Variants in RIMS2 observed in about 807,000 individuals in gnomAD.
RIMS2 encodes the protein regulating synaptic membrane exocytosis protein 2.
A neutral mutation model predicts 174.4 loss-of-function variants in RIMS2; 59 were observed. The ratio of observed to expected loss-of-function variants is 0.34; its 90% CI spans 0.27 to 0.42. The LOEUF is 0.42. RIMS2 is among the 10% of genes least tolerant of loss of function. RIMS2 has a pLI of 1.00. For synonymous variants in RIMS2, 606 were observed against 572.5 expected, an observed-to-expected ratio of 1.06 and a Z score of -0.84; for missense variants, 1,620 against 1,666.3, an observed-to-expected ratio of 0.97 and a Z score of 0.48.
chr8:104,143,887 G>T (rs2098606305), intron 19 of RIMS2, among the ~76,000 whole-genome samples: 1 of 151,948 alleles, frequency 6.6e-6, no homozygotes, highest in African/African-American at 2.4e-5. Context: ...TATTTGTTTT[G>T]GCATGACTTT....
intron 19 of RIMS2, among the ~76,000 whole-genome samples, chr8:104,197,659 G>A (rs2099032119): frequency 6.6e-6 from 1 of 152,172 alleles, no homozygotes. Context: ...ATTGAGGTCT[G>A]AGGAGATGGG....
intron 1 of RIMS2, among the ~76,000 whole-genome samples, chr8:103,586,161 C>A (rs926418808): frequency 5.9e-5 from 9 of 152,166 alleles, no homozygotes; most frequent in South Asian, 2.1e-4. Context: ...AAGACTTCAG[C>A]ACTCCACTTT....
chr8:103,565,050 G>T (rs2092162112), intron 1 of RIMS2, among the ~76,000 whole-genome samples: 1 of 152,154 alleles, frequency 6.6e-6, no homozygotes, highest in Non-Finnish European at 1.5e-5. Context: ...TTCTATTTAT[G>T]TTGTCATCTG....
intron 1 of RIMS2, among the ~76,000 whole-genome samples, chr8:103,546,455 C>T (rs1845149919): frequency 1.3e-5 from 2 of 152,222 alleles, no homozygotes; most frequent in South Asian, 4.2e-4. Flanking sequence ...ACCCCATGGA[C>T]AGTATTAGAG....
chr8:104,003,865 T>C (rs2095478404), intron 17 of RIMS2, among the ~76,000 whole-genome samples: 2 of 152,096 alleles, frequency 1.3e-5, no homozygotes, highest in South Asian at 2.1e-4. Context: ...AATGATCGAT[T>C]TGAAGAGAAA....
At chr8:103,829,890 A>T (rs1227371689) in intron 3 of RIMS2, among the ~76,000 whole-genome samples, 1 of 152,200 alleles carries the variant, frequency 6.6e-6, no homozygotes, top group African/African-American at 2.4e-5. Context: ...TATGATGATG[A>T]AAAATAATAC....
At chr8:103,650,345 T>C (rs2096427910) in intron 1 of RIMS2, among the ~76,000 whole-genome samples, 1 of 152,118 alleles carries the variant, frequency 6.6e-6, no homozygotes, top group South Asian at 2.1e-4. Context: ...GGCCCAAATA[T>C]GCCTGTAGGA....
At chr8:104,050,083 T>A (rs1296534365) in intron 19 of RIMS2, among the ~76,000 whole-genome samples, 1 of 152,184 alleles carries the variant, frequency 6.6e-6, no homozygotes, top group Non-Finnish European at 1.5e-5. Context: ...CAAATTTGGC[T>A]ATGCTAGACT....
chr8:103,549,187 A>T (rs1329160721), intron 1 of RIMS2, among the ~76,000 whole-genome samples: 4 of 152,182 alleles, frequency 2.6e-5, no homozygotes, highest in African/African-American at 7.2e-5. Context: ...CCAAAGTTGA[A>T]CTGAAGGAAA....
chr8:103,662,696 A>G (rs1474847136), intron 1 of RIMS2, among the ~76,000 whole-genome samples: 1 of 152,034 alleles, frequency 6.6e-6, no homozygotes, highest in Non-Finnish European at 1.5e-5. Flanking sequence ...CTATCTATCT[A>G]TCTATCTATC....
At chr8:103,883,759 C>T (rs993582386) in intron 3 of RIMS2, among the ~76,000 whole-genome samples, 4 of 151,718 alleles carry the variant, frequency 2.6e-5, no homozygotes, top group Non-Finnish European at 4.4e-5. Context: ...CCATTATTGT[C>T]AAGCATTAGT....
chr8:103,755,110 G>A lies in RIMS2; in HGVS notation c.388-11117G>A, dbSNP rs187694824. Among the ~76,000 whole-genome samples the A allele has an allele frequency of 8.5e-5, 13 of 152,238 alleles. No individual in the cohort carries two copies. In the East Asian group the frequency reaches 2.5e-3, roughly 29 times the overall value. On this transcript the variant is annotated intron_variant, in intron 2 of 23. Coordinates refer to ENST00000504942, the Ensembl canonical transcript of RIMS2. ...TTTAGTGCTTCCTTCAAGAGCTCTT[G>A]TAAGACAGGCCTGGTGGTGACAAAA... is the stretch of plus-strand genomic sequence containing the variant.
chr8:103,631,327 C>G (rs1210587916), intron 1 of RIMS2, among the ~76,000 whole-genome samples: 2 of 152,154 alleles, frequency 1.3e-5, no homozygotes, highest in African/African-American at 4.8e-5. Flanking sequence ...AGGAAGGGGT[C>G]CTGCTTCAAT....
intron 17 of RIMS2, among the ~76,000 whole-genome samples, chr8:103,996,168 G>T (rs1049609793): frequency 6.6e-6 from 1 of 151,802 alleles, no homozygotes; most frequent in East Asian, 1.9e-4. Context: ...GCTATGACAG[G>T]TAAAAATGAG....
chr8:103,623,413 G>A (rs751411642), intron 1 of RIMS2, among the ~76,000 whole-genome samples: 1 of 150,990 alleles, frequency 6.6e-6, no homozygotes, highest in Non-Finnish European at 1.5e-5. Context: ...GCAAATAATT[G>A]GCTCTCAATA....
rs190210858 is a variant in RIMS2, at chr8:103,937,419, G to C, written c.2547+697G>C. Among the ~76,000 whole-genome samples, 424 of 152,280 alleles carry C rather than the reference G, an allele frequency of 2.8e-3. 1 individual carries two copies. Among genetic ancestry groups the C allele is most frequent in the Middle Eastern group, 0.014 (4 of 294 alleles). ...ATAAGTAGTTAAACCATTTATTTATGAATTATTTTCAAGCCCTACAATGTA... is the reference window on the plus strand; with the variant it reads ...ATAAGTAGTTAAACCATTTATTTATCAATTATTTTCAAGCCCTACAATGTA... On this transcript the variant is annotated intron_variant, in intron 13 of 23. Transcript: ENST00000504942.
intron 1 of RIMS2, among the ~76,000 whole-genome samples, chr8:103,546,306 G>C (rs1001648921): frequency 6.6e-6 from 1 of 152,142 alleles, no homozygotes; most frequent in Admixed American, 6.5e-5. Flanking sequence ...TAATGGTAAA[G>C]GGTTCAATTC....
intron 3 of RIMS2, among the ~76,000 whole-genome samples, chr8:103,780,325 A>G (rs1434443249): frequency 6.6e-6 from 1 of 152,108 alleles, no homozygotes; most frequent in African/African-American, 2.4e-5. Context: ...ATTTCTTTGA[A>G]GCTTTTACCT....
chr8:103,588,542 TAC>T (rs2094091037), intron 1 of RIMS2, among the ~76,000 whole-genome samples: 1 of 152,010 alleles, frequency 6.6e-6, no homozygotes. Context: ...AACAGCATGG[TAC>T]TGGCATAAAA....
Sources: allele counts gnomAD v4.1 joint callset (sites outside exome capture counted in the v4.1 genomes callset), GRCh38; gene constraint gnomAD v4.1.1; transcripts MANE v1.5; gene names NCBI Gene and HGNC (gene_info 2026-07-23, HGNC 2026-07-21).